Variants in PARD3 observed in about 807,000 individuals in gnomAD.
The protein encoded by PARD3 is par-3 family cell polarity regulator, also known as partitioning defective 3 homolog.
PARD3 carries 75 observed loss-of-function variants against 155.4 expected under a neutral mutation model. The observed-to-expected ratio is 0.48, with a 90% CI of 0.40 to 0.58. The LOEUF (loss-of-function observed/expected upper bound fraction) is 0.58. PARD3 is among the 20% of genes least tolerant of loss of function. PARD3 has a pLI of 0.00. For missense variants in PARD3, 1,642 were observed against 1,721.7 expected (o/e 0.95, Z 0.82); for synonymous variants, 576 against 610.5 (o/e 0.94, Z 0.83).
At position 34,269,935 on chromosome 10, in the gene PARD3, C is replaced by G. The variant is rs974834787; in HGVS notation, c.3177-36G>C. On this transcript the variant is annotated intron_variant, in intron 21 of 24. Transcript: ENST00000374788. ...AGAACAAAGTTGAAATAAGAGAAAC[C>G]TTTCCTTTTTTAGGAACTGCATATA... The G allele has an allele frequency of 2.5e-6, 4 of 1,599,358 alleles. No individual in the cohort carries two copies. The African/African-American group carries it at 4.0e-5, about 16-fold the overall frequency.
chr10:34,367,893 A>G (rs1047661673), intron 12 of PARD3, among the ~76,000 whole-genome samples: 5 of 152,170 alleles, frequency 3.3e-5, no homozygotes, highest in African/African-American at 7.2e-5. Flanking sequence ...AGAATCCCCA[A>G]TGTATCCCTG....
chr10:34,299,744 T>C (rs1242386344), intron 20 of PARD3, among the ~76,000 whole-genome samples: 3 of 152,188 alleles, frequency 2.0e-5, no homozygotes, highest in African/African-American at 7.2e-5. Context: ...GCTATATAAA[T>C]TTTTCTGTTT....
Position 34,337,333 on chromosome 10 carries a change from T to G in PARD3, c.2502A>C (p.Ser834=). 6.2e-7 allele frequency: 1 copy of G among 1,602,776 alleles called. No individual in the cohort carries two copies. Among genetic ancestry groups the G allele is most frequent in the Non-Finnish European group, 8.5e-7 (1 of 1,174,590 alleles). The change falls in exon 17 of 25, where the codon TCA becomes TCC. Residue 834 remains serine, a synonymous_variant. Coordinates refer to ENST00000374788, the MANE Select transcript of PARD3 (RefSeq NM_001184785.2). ...SMSEKRTKQF[S]DASQLDFVKT... is the part of the protein sequence containing the mutation. ...TAACGAAATCCAATTGACTGGCATC[T>G]GAAAATTGCTTTGTGCGTTTTTCTG...
chr10:34,656,865 G>A (rs2093181244), intron 2 of PARD3, among the ~76,000 whole-genome samples: 1 of 152,162 alleles, frequency 6.6e-6, no homozygotes, highest in Non-Finnish European at 1.5e-5. Flanking sequence ...TTGTATTTGG[G>A]AACAGATGCT....
chr10:34,385,935 A>G (rs1298715720), intron 7 of PARD3, among the ~76,000 whole-genome samples: 1 of 152,214 alleles, frequency 6.6e-6, no homozygotes, highest in East Asian at 1.9e-4. Context: ...AGCTTTTTGC[A>G]AAATAGAATA....
chr10:34,629,829 T>A (rs1441433383), intron 2 of PARD3, among the ~76,000 whole-genome samples: 1 of 152,222 alleles, frequency 6.6e-6, no homozygotes, highest in Non-Finnish European at 1.5e-5. Flanking sequence ...TCTGTCATTT[T>A]CTGTAGGTCA....
intron 2 of PARD3, among the ~76,000 whole-genome samples, chr10:34,673,659 A>T (rs1335146244): frequency 2.6e-5 from 4 of 152,242 alleles, no homozygotes; most frequent in African/African-American, 9.6e-5. Flanking sequence ...AGTAATGAAG[A>T]CAATCAACAC....
intron 21 of PARD3, among the ~76,000 whole-genome samples, chr10:34,272,875 C>T (rs749103371): frequency 1.1e-4 from 16 of 152,128 alleles, no homozygotes; most frequent in Non-Finnish European, 1.8e-4. Context: ...AAAAGACGTT[C>T]GCCACCACCA....
chr10:34,386,817 C>T (rs1374542046), intron 7 of PARD3, among the ~76,000 whole-genome samples: 2 of 85,514 alleles, frequency 2.3e-5, no homozygotes, highest in East Asian at 7.4e-4. Flanking sequence ...AAACTCCGTC[C>T]AAAAAAAAAA....
At chr10:34,500,156 T>C (rs968780119) in intron 3 of PARD3, among the ~76,000 whole-genome samples, 2 of 152,204 alleles carry the variant, frequency 1.3e-5, no homozygotes, top group African/African-American at 2.4e-5. Context: ...ACAGGGATGA[T>C]GAAGATGTGA....
intron 1 of PARD3, among the ~76,000 whole-genome samples, chr10:34,805,730 A>G (rs1588846415): frequency 6.6e-6 from 1 of 151,936 alleles, no homozygotes; most frequent in African/African-American, 2.4e-5. Context: ...TAATCCCAGC[A>G]CTTTGGGAGG....
chr10:34,296,265 T>C (rs889591878), intron 20 of PARD3, among the ~76,000 whole-genome samples: 1 of 152,228 alleles, frequency 6.6e-6, no homozygotes, highest in African/African-American at 2.4e-5. Flanking sequence ...AGGGTCTTGC[T>C]CTGTTGCCCA....
chr10:34,230,710 T>C (rs1952877693), intron 22 of PARD3, among the ~76,000 whole-genome samples: 1 of 152,054 alleles, frequency 6.6e-6, no homozygotes. Flanking sequence ...GAGGAAATTG[T>C]ACAACTGGCA....
intron 21 of PARD3, 35 bp downstream of exon 21, chr10:34,284,096 CTCTT>C (rs764733520): frequency 2.7e-6 from 3 of 1,092,126 alleles, no homozygotes; most frequent in Non-Finnish European, 4.0e-6. Flanking sequence ...AAAAAAGAAC[CTCTT>C]TCTAAGGAGG....
At chr10:34,682,551 G>T (rs1488117000) in intron 2 of PARD3, among the ~76,000 whole-genome samples, 1 of 152,062 alleles carries the variant, frequency 6.6e-6, no homozygotes, top group Admixed American at 6.6e-5. Context: ...TGGTTTGTTT[G>T]CTCGCTTGTT....
intron 5 of PARD3, among the ~76,000 whole-genome samples, chr10:34,444,869 A>G (rs1053372758): frequency 2.0e-5 from 3 of 152,220 alleles, no homozygotes; most frequent in Non-Finnish European, 4.4e-5. Context: ...CCCACTGGAA[A>G]AGCTGATAAG....
chr10:34,545,931 G>A (rs1009152294), intron 2 of PARD3, among the ~76,000 whole-genome samples: 3 of 152,018 alleles, frequency 2.0e-5, no homozygotes, highest in Non-Finnish European at 4.4e-5. Context: ...GCAAAACTAG[G>A]CACCAAAACA....
intron 20 of PARD3, among the ~76,000 whole-genome samples, chr10:34,304,860 T>C (rs1024044679): frequency 6.6e-6 from 1 of 152,192 alleles, no homozygotes; most frequent in Admixed American, 6.5e-5. Flanking sequence ...ATTGGCTACA[T>C]GAGAAATAGC....
At chr10:34,448,134 CGTGTGT>C (rs35325584) in intron 5 of PARD3, among the ~76,000 whole-genome samples, 76 of 147,146 alleles carry the variant, frequency 5.2e-4, no homozygotes, top group Middle Eastern at 3.5e-3. Context: ...ATATACACTG[CGTGTGT>C]GTGTGTGTGT....
Sources: allele counts gnomAD v4.1 joint callset (sites outside exome capture counted in the v4.1 genomes callset), GRCh38; gene constraint gnomAD v4.1.1; transcripts MANE v1.5; gene names NCBI Gene and HGNC (gene_info 2026-07-23, HGNC 2026-07-21).